PCDH9: variants seen among roughly 807,000 people sequenced by gnomAD.
The protein encoded by PCDH9 is protocadherin 9.
In PCDH9, 24 loss-of-function variants were observed where a neutral mutation model predicts 70.6. The ratio of observed to expected loss-of-function variants is 0.34; its 90% CI spans 0.25 to 0.48. The LOEUF (loss-of-function observed/expected upper bound fraction) is 0.48, where lower values mean the gene tolerates loss of function less well. PCDH9 is among the 20% of genes least tolerant of loss of function. PCDH9 has a pLI of 0.99. For synonymous variants in PCDH9, 562 were observed against 558.5 expected, an observed-to-expected ratio of 1.01 and a Z score of -0.09; for missense variants, 1,281 against 1,503.6, an observed-to-expected ratio of 0.85 and a Z score of 2.45.
At chr13:67,033,905 G>A (rs2084956936) in intron 2 of PCDH9, among the ~76,000 whole-genome samples, 1 of 152,200 alleles carries the variant, frequency 6.6e-6, no homozygotes, top group African/African-American at 2.4e-5. Context: ...GTGAGGATGA[G>A]GAAGAGATTC....
chr13:66,590,173 CATGTTGTTTT>C (rs2077020380), intron 4 of PCDH9, among the ~76,000 whole-genome samples: 1 of 151,878 alleles, frequency 6.6e-6, no homozygotes. Context: ...AAATTTGTTT[CATGTTGTTTT>C]AAGGTTTCCT....
intron 4 of PCDH9, among the ~76,000 whole-genome samples, chr13:66,471,079 T>C (rs1473767849): frequency 6.6e-6 from 1 of 151,916 alleles, no homozygotes; most frequent in Non-Finnish European, 1.5e-5. Context: ...TTCCTTATCG[T>C]GTAAGCCAGA....
intron 3 of PCDH9, among the ~76,000 whole-genome samples, chr13:66,721,624 G>A (rs1405335151): frequency 6.6e-6 from 1 of 152,046 alleles, no homozygotes; most frequent in Non-Finnish European, 1.5e-5. Flanking sequence ...CTGGAATTTA[G>A]AGAACAATAT....
Position 67,164,918 on chromosome 13 carries a change from T to C in PCDH9, c.3036+60487A>G, listed in dbSNP as rs2088068201. Among the ~76,000 whole-genome samples the C allele has an allele frequency of 2.6e-5, 4 of 152,290 alleles. No homozygotes were observed. The South Asian group carries it at 6.2e-4, about 24-fold the overall frequency. ...TTGTGTTTCTATAGCACTAGTCCTA[T>C]GGAAATGATCTTCCACGTTAATTCA... On this transcript the variant is annotated intron_variant, in intron 2 of 4. Transcript: ENST00000377865.
chr13:67,105,671 G>A (rs2086525753), intron 2 of PCDH9, among the ~76,000 whole-genome samples: 1 of 151,882 alleles, frequency 6.6e-6, no homozygotes, highest in South Asian at 2.1e-4. Context: ...TTTTTTAAAA[G>A]TAAGCTGCTT....
chr13:66,923,566 G>T (rs779043032), intron 2 of PCDH9, among the ~76,000 whole-genome samples: 2 of 151,486 alleles, frequency 1.3e-5, no homozygotes, highest in Non-Finnish European at 3.0e-5. Flanking sequence ...ATAGCTATAG[G>T]TAACTCAGAT....
intron 4 of PCDH9, among the ~76,000 whole-genome samples, chr13:66,362,311 T>C (rs1233629108): frequency 2.0e-5 from 3 of 152,174 alleles, no homozygotes; most frequent in Non-Finnish European, 4.4e-5. Context: ...GTAGTCAAAT[T>C]GTTGTTTCGT....
At chr13:66,343,705 C>T (rs531432294) in intron 4 of PCDH9, among the ~76,000 whole-genome samples, 2 of 152,330 alleles carry the variant, frequency 1.3e-5, no homozygotes, top group South Asian at 4.1e-4. Context: ...CTAGGCAAAT[C>T]TCTGCATTTT....
intron 2 of PCDH9, among the ~76,000 whole-genome samples, chr13:66,982,292 A>G (rs562358872): frequency 5.3e-5 from 8 of 152,278 alleles, no homozygotes; most frequent in Non-Finnish European, 1.0e-4. Context: ...TTCTTTATAA[A>G]TTACCCAGTC....
chr13:66,974,407 GGTTCAA>G (rs1163961021), intron 2 of PCDH9, among the ~76,000 whole-genome samples: 1 of 151,780 alleles, frequency 6.6e-6, no homozygotes, highest in Non-Finnish European at 1.5e-5. Context: ...ATGCCTACGT[GGTTCAA>G]GTTTCAGCTT....
At chr13:67,154,608 AC>A (rs1228171421) in intron 2 of PCDH9, among the ~76,000 whole-genome samples, 2 of 66,358 alleles carry the variant, frequency 3.0e-5, no homozygotes, top group African/African-American at 9.5e-5. Flanking sequence ...ATATATATAC[AC>A]ACACACACAC....
chr13:66,905,187 G>GAA (rs151091942), intron 2 of PCDH9, among the ~76,000 whole-genome samples: 3 of 146,392 alleles, frequency 2.0e-5, no homozygotes, highest in African/African-American at 7.5e-5. Flanking sequence ...TGGCATTCAA[G>GAA]AAAAAAAAAA....
intron 2 of PCDH9, among the ~76,000 whole-genome samples, chr13:67,095,690 A>G (rs2138224469): frequency 6.6e-6 from 1 of 152,322 alleles, no homozygotes; most frequent in South Asian, 2.1e-4. Flanking sequence ...GATAATGTCT[A>G]TAAAATGCCT....
intron 4 of PCDH9, chr13:66,630,794 T>C (rs2077560682): frequency 6.5e-6 from 1 of 153,012 alleles, no homozygotes; most frequent in Admixed American, 6.5e-5. Context: ...TTATTTGTTT[T>C]TGTAAAGTGT....
intron 2 of PCDH9, chr13:67,219,718 A>G (rs190006930): frequency 2.0e-5 from 3 of 152,146 alleles, no homozygotes; most frequent in African/African-American, 7.2e-5. Flanking sequence ...TGGAAAAAAT[A>G]TTAAATGTGA....
At chr13:67,166,765 G>T (rs1370782308) in intron 2 of PCDH9, among the ~76,000 whole-genome samples, 1 of 152,070 alleles carries the variant, frequency 6.6e-6, no homozygotes, top group Non-Finnish European at 1.5e-5. Flanking sequence ...GAATAAAATG[G>T]CTACCATGAG....
chr13:66,914,397 G>A (rs899267642), intron 2 of PCDH9: 8 of 151,652 alleles, frequency 5.3e-5, no homozygotes, highest in Non-Finnish European at 1.0e-4. Flanking sequence ...TTAATCCTCA[G>A]GCCACAGAAC....
intron 4 of PCDH9, among the ~76,000 whole-genome samples, chr13:66,357,449 A>C (rs1360703908): frequency 2.0e-5 from 3 of 152,092 alleles, no homozygotes; most frequent in Admixed American, 2.0e-4. Flanking sequence ...TGCATTGCCT[A>C]CACTAACAGA....
chr13:66,467,185 A>C (rs1958529946), intron 4 of PCDH9, among the ~76,000 whole-genome samples: 1 of 152,100 alleles, frequency 6.6e-6, no homozygotes, highest in Admixed American at 6.6e-5. Context: ...GAGGTAATAG[A>C]TGTTTAGATG....
Sources: gnomAD v4.1 joint callset for allele counts (sites outside exome capture counted in the v4.1 genomes callset) on GRCh38, gnomAD v4.1.1 for gene constraint, MANE v1.5 for transcripts, NCBI Gene and HGNC (gene_info 2026-07-23, HGNC 2026-07-21) for gene names.